GNG7: variants seen among roughly 807,000 people sequenced by gnomAD.
GNG7 encodes G protein subunit gamma 7.
GNG7 carries 1 observed loss-of-function variant against 4.0 expected under a neutral mutation model. The ratio of observed to expected loss-of-function variants is 0.25; its 90% CI spans 0.09 to 1.18. The LOEUF is 1.18. Ranked by LOEUF, GNG7 falls within the 50% of genes most tolerant of loss-of-function variation. The probability of loss-of-function intolerance (pLI) is 0.50; values close to 1 mark genes in which losing one functional copy is unlikely to be tolerated. For missense variants in GNG7, 86 were observed against 91.9 expected (o/e 0.94, Z 0.26); for synonymous variants, 34 against 36.9 (o/e 0.92, Z 0.29).
chr19:2,658,436 G>C (rs906884715), intron 1 of GNG7, among the ~76,000 whole-genome samples: 1 of 151,818 alleles, frequency 6.6e-6, no homozygotes, highest in Non-Finnish European at 1.5e-5. Flanking sequence ...AACAAAACGT[G>C]GTACATCCCC....
chr19:2,594,417 A>C (rs750533176), intron 2 of GNG7, among the ~76,000 whole-genome samples: 209 of 71,702 alleles, frequency 2.9e-3, no homozygotes, highest in Non-Finnish European at 6.0e-3. Flanking sequence ...GAAGGAAGGA[A>C]GGAAGGAAGG....
In GNG7 at chr19:2,669,417, G is replaced by A. The variant is rs1983393715; in HGVS notation, c.-134-23137C>T. 2.0e-5 allele frequency among the ~76,000 whole-genome samples: 3 copies of A among 152,312 alleles called. No individual in the cohort carries two copies. In the South Asian group the frequency reaches 6.2e-4, roughly 32 times the overall value. ...AGGCAAGAGAATCGCTTGAACCCAG[G>A]AGGCAGAGGTTGCAGTGAGCCGGGA... On this transcript the variant is annotated intron_variant, in intron 1 of 4. Coordinates refer to ENST00000382159, the MANE Select transcript of GNG7 (RefSeq NM_052847.3).
chr19:2,561,838 A>T (rs1979751250), intron 2 of GNG7, among the ~76,000 whole-genome samples: 1 of 151,898 alleles, frequency 6.6e-6, no homozygotes, highest in Admixed American at 6.6e-5. Context: ...CCGAGATTGC[A>T]CCATTGCACT....
intron 1 of GNG7, among the ~76,000 whole-genome samples, chr19:2,697,503 C>T (rs1913294973): frequency 6.6e-6 from 1 of 152,144 alleles, no homozygotes; most frequent in African/African-American, 2.4e-5. Flanking sequence ...TCCTGGGTGA[C>T]GTAAACCATG....
intron 1 of GNG7, among the ~76,000 whole-genome samples, chr19:2,669,980 A>G (rs1198554523): frequency 1.3e-5 from 2 of 150,990 alleles, no homozygotes; most frequent in African/African-American, 2.4e-5. Flanking sequence ...AATGCACTCC[A>G]GACTGGGTGA....
chr19:2,653,230 G>T lies in GNG7; in HGVS notation c.-134-6950C>A, dbSNP rs1982876769. Among the ~76,000 whole-genome samples, 1 of 152,198 alleles carries T rather than the reference G, an allele frequency of 6.6e-6. No homozygotes were observed. The highest frequency in any genetic ancestry group is 1.5e-5 in the Non-Finnish European group (1 of 68,046). On this transcript the variant is annotated intron_variant, in intron 1 of 4. Transcript: ENST00000382159. The surrounding 1 kb of genome is among the most constrained non-coding windows in gnomAD (Gnocchi z 4.8). ...TATTTTTGCTTGTAATTCTGAAAAGGCTGATAGATTTTATAGCCCAGTATC... is the reference window on the plus strand; with the variant it reads ...TATTTTTGCTTGTAATTCTGAAAAGTCTGATAGATTTTATAGCCCAGTATC...
chr19:2,647,027 C>G (rs1441646992), intron 1 of GNG7, among the ~76,000 whole-genome samples: 1 of 152,196 alleles, frequency 6.6e-6, no homozygotes, highest in Non-Finnish European at 1.5e-5. Context: ...CTGGTACGGG[C>G]AGTCTCTGAG....
At chr19:2,612,116 G>A (rs1012220376) in intron 2 of GNG7, among the ~76,000 whole-genome samples, 8 of 152,010 alleles carry the variant, frequency 5.3e-5, no homozygotes, top group Admixed American at 2.6e-4. Flanking sequence ...CTCGTGATCC[G>A]CCTACCCTGG....
intron 1 of GNG7, among the ~76,000 whole-genome samples, chr19:2,650,959 T>C (rs1471707024): frequency 6.6e-6 from 1 of 152,120 alleles, no homozygotes; most frequent in Admixed American, 6.5e-5. Context: ...AAGGCGCCAA[T>C]AGCCCGGCTT....
intron 2 of GNG7, among the ~76,000 whole-genome samples, chr19:2,639,039 C>G (rs973718394): frequency 2.0e-5 from 3 of 151,944 alleles, no homozygotes; most frequent in Non-Finnish European, 4.4e-5. Flanking sequence ...GGGTTCGACA[C>G]CAGCCTGGCC....
intron 2 of GNG7, among the ~76,000 whole-genome samples, chr19:2,602,958 TTC>T (rs532541591): frequency 6.8e-6 from 1 of 146,224 alleles, no homozygotes; most frequent in Admixed American, 6.6e-5. Context: ...TTTCTTTTCT[TTC>T]TCTTTCTTTC....
intron 1 of GNG7, among the ~76,000 whole-genome samples, chr19:2,659,114 C>T (rs1247514511): frequency 7.9e-5 from 12 of 151,964 alleles, no homozygotes; most frequent in Admixed American, 4.6e-4. Context: ...GGACTACAGG[C>T]GCCCGCCACC....
intron 1 of GNG7, among the ~76,000 whole-genome samples, chr19:2,681,625 C>T (rs140075221): frequency 6.9e-4 from 105 of 152,222 alleles, no homozygotes; most frequent in African/African-American, 1.3e-3. Flanking sequence ...CTTAGGTGTA[C>T]GTCTAGGAGT....
intron 2 of GNG7, among the ~76,000 whole-genome samples, chr19:2,615,709 C>T (rs543129867): frequency 1.2e-3 from 184 of 151,818 alleles, no homozygotes; most frequent in Non-Finnish European, 1.2e-3. Context: ...ATGATCTGCC[C>T]GCCTCGGCCT....
chr19:2,600,040 A>T (rs929758549), intron 2 of GNG7, among the ~76,000 whole-genome samples: 2 of 152,072 alleles, frequency 1.3e-5, no homozygotes, highest in African/African-American at 4.8e-5. Flanking sequence ...GGCATGTAAA[A>T]ATCTCAATAA....
chr19:2,585,970 G>T (rs1980660786), intron 2 of GNG7, among the ~76,000 whole-genome samples: 1 of 152,204 alleles, frequency 6.6e-6, no homozygotes, highest in South Asian at 2.1e-4. Flanking sequence ...AAAGTGCTGG[G>T]ATTACAGGCG....
intron 2 of GNG7, among the ~76,000 whole-genome samples, chr19:2,638,097 GCT>G (rs1286628201): frequency 6.6e-6 from 1 of 152,028 alleles, no homozygotes; most frequent in Non-Finnish European, 1.5e-5. Flanking sequence ...GGGTGCGGTG[GCT>G]CACGCCTGTC....
chr19:2,534,317 C>G (rs1258132045), intron 3 of GNG7, among the ~76,000 whole-genome samples: 1 of 152,190 alleles, frequency 6.6e-6, no homozygotes, highest in Non-Finnish European at 1.5e-5. Flanking sequence ...CTCCACTCCC[C>G]ACTCCCTCCA....
chr19:2,515,271 G>A (rs983215502), intron 4 of GNG7, 124 bp from the exon 5 acceptor site: 32 of 1,209,118 alleles, frequency 2.6e-5, no homozygotes, highest in African/African-American at 4.6e-5. Context: ...TGATGGGGGC[G>A]TGGGCAAACA....
Sources: gnomAD v4.1 joint callset for allele counts (sites outside exome capture counted in the v4.1 genomes callset) on GRCh38, gnomAD v4.1.1 for gene constraint, Gnocchi (gnomAD v3.1) non-coding constraint, MANE v1.5 for transcripts, NCBI Gene and HGNC (gene_info 2026-07-23, HGNC 2026-07-21) for gene names.